Variants in PPIP5K1 observed in about 807,000 individuals in gnomAD.
PPIP5K1 encodes the protein diphosphoinositol pentakisphosphate kinase 1.
Under a neutral mutation model 27.7 loss-of-function variants are expected in PPIP5K1, and 6 were observed. The ratio of observed to expected loss-of-function variants is 0.22; its 90% CI spans 0.12 to 0.43. PPIP5K1 has a LOEUF of 0.43. Among genes scored for constraint, PPIP5K1 ranks in the 20% least tolerant of loss-of-function variants. The pLI, the probability that PPIP5K1 is intolerant of heterozygous loss-of-function variation, is 1.00. For missense variants in PPIP5K1, 394 were observed against 635.4 expected, an observed-to-expected ratio of 0.62 and a Z score of 4.08; for synonymous variants, 145 against 242.6, an observed-to-expected ratio of 0.60 and a Z score of 3.74.
intron 30 of PPIP5K1, among the ~76,000 whole-genome samples, chr15:43,547,218 A>C (rs562451163): frequency 2.0e-5 from 3 of 152,304 alleles, no homozygotes; most frequent in African/African-American, 7.2e-5. Context: ...TGTCAATTCA[A>C]GTCCTTTGCT....
At position 43,542,667 on chromosome 15, in the gene PPIP5K1, TGTG is replaced by T. The variant is rs1567020616; in HGVS notation, c.3557-3087_3557-3085del. 4.6e-3 allele frequency among the ~76,000 whole-genome samples: 696 copies of T among 150,106 alleles called. 8 individuals are homozygous for T. The highest frequency in any genetic ancestry group is 0.015 in the African/African-American group (608 of 40,848). On this transcript the variant is annotated intron_variant, in intron 30 of 31. Coordinates refer to ENST00000420765, the MANE Select transcript of PPIP5K1 (RefSeq NM_001394395.1). ...TATTCAGTGTGTGTGTGTGTGTGTG[TGTG>T]TGTGTGTGTGTGTGTGTGTGTGTGT...
At position 43,535,422 on chromosome 15, in the gene PPIP5K1, G is replaced by A. The variant is rs1338400838; in HGVS notation, c.3725C>T (p.Thr1242Ile). Residue 1242 changes from threonine to isoleucine, a missense_variant, in exon 32 of 32, where the codon ACA (threonine) becomes ATA (isoleucine). Thr to Ile is a moderately conservative substitution (Grantham distance 89). Coordinates refer to ENST00000420765, the MANE Select transcript of PPIP5K1 (RefSeq NM_001394395.1). ...GCCAAATTGGGAGTTACCATCTACT[G>A]TAGTAGGGGAAGAAGGACCAGCACT... ...VSSAGPSSPT[T>I]VDGNSQFGFS... 2 of 1,612,398 alleles carry A rather than the reference G, an allele frequency of 1.2e-6. No individual in the cohort carries two copies. Among genetic ancestry groups the A allele is most frequent in the Non-Finnish European group, 1.7e-6 (2 of 1,179,128 alleles).
intron 10 of PPIP5K1, among the ~76,000 whole-genome samples, chr15:43,579,647 A>T (rs1485722632): frequency 1.6e-5 from 1 of 60,620 alleles, no homozygotes; most frequent in Non-Finnish European, 2.5e-5. Context: ...ATATATATAT[A>T]TATATATTTT....
At chr15:43,550,707 A>T (rs1469454326) in intron 30 of PPIP5K1, among the ~76,000 whole-genome samples, 2 of 152,156 alleles carry the variant, frequency 1.3e-5, no homozygotes, top group Non-Finnish European at 2.9e-5. Flanking sequence ...GAAAGCCTTC[A>T]GTGTTACACT....
At chr15:43,542,029 C>T (rs987600085) in intron 30 of PPIP5K1, among the ~76,000 whole-genome samples, 10 of 152,152 alleles carry the variant, frequency 6.6e-5, no homozygotes, top group African/African-American at 2.4e-4. Context: ...GTTAAGGTGG[C>T]ACCAACAAGA....
In PPIP5K1 at chr15:43,579,565, G is replaced by A. The variant is rs1390676323; in HGVS notation, c.1062-445C>T. ...TGTATGTGTATATATACATATATAC[G>A]TACATATATACACATATATACATAT... On this transcript the variant is annotated intron_variant, in intron 10 of 31. Transcript: ENST00000420765. Among the ~76,000 whole-genome samples, 5 of 60,534 alleles carry A rather than the reference G, an allele frequency of 8.3e-5. 1 individual carries two copies. In the East Asian group the frequency reaches 2.6e-3, roughly 32 times the overall value. The allele number at this position is 60,534 out of a possible 152,430, so 39.7% of individuals were successfully genotyped here. A position where few individuals can be genotyped will look rare whatever the true frequency, so the allele number is the denominator to read the frequency against.
At position 43,541,564 on chromosome 15, in the gene PPIP5K1, A is replaced by G. The variant is rs141510375; in HGVS notation, c.3557-1981T>C. 3.6e-3 allele frequency among the ~76,000 whole-genome samples: 544 copies of G among 152,196 alleles called. 3 individuals are homozygous for G. Among genetic ancestry groups the G allele is most frequent in the African/African-American group, 0.012 (513 of 41,562 alleles). On this transcript the variant is annotated intron_variant, in intron 30 of 31. Transcript: ENST00000420765. ...AAATTCCATTTCTACAAAAAATACA[A>G]AAACTAGCCAGGCGTGGTGGTGGGC...
intron 31 of PPIP5K1, among the ~76,000 whole-genome samples, chr15:43,536,539 T>A (rs1008678743): frequency 1.3e-5 from 2 of 152,088 alleles, no homozygotes; most frequent in African/African-American, 2.4e-5. Flanking sequence ...AAGTCAGATA[T>A]CTTCCAGGAA....
At chr15:43,543,887 T>C (rs141810760) in intron 30 of PPIP5K1, among the ~76,000 whole-genome samples, 1 of 151,808 alleles carries the variant, frequency 6.6e-6, no homozygotes, top group South Asian at 2.1e-4. Flanking sequence ...ATTAAACTAC[T>C]GAATAAGGAT....
chr15:43,565,690 C>T (rs1398547925), intron 26 of PPIP5K1, among the ~76,000 whole-genome samples: 1 of 57,134 alleles, frequency 1.8e-5, no homozygotes, highest in Non-Finnish European at 2.9e-5. Flanking sequence ...GCTGGGATTG[C>T]AAGTACACAC....
chr15:43,555,425 G>T (rs1046407329), intron 30 of PPIP5K1, among the ~76,000 whole-genome samples: 5 of 151,822 alleles, frequency 3.3e-5, no homozygotes, highest in Admixed American at 1.3e-4. Flanking sequence ...CCAGGTACAT[G>T]CCACCATACC....
At chr15:43,553,498 A>T (rs1369143909) in intron 30 of PPIP5K1, among the ~76,000 whole-genome samples, 1 of 152,112 alleles carries the variant, frequency 6.6e-6, no homozygotes, top group Non-Finnish European at 1.5e-5. Flanking sequence ...ATGTGCCACC[A>T]TGCCCAATTA....
chr15:43,553,163 A>C (rs1441180462), intron 30 of PPIP5K1, among the ~76,000 whole-genome samples: 1 of 152,230 alleles, frequency 6.6e-6, no homozygotes, highest in African/African-American at 2.4e-5. Flanking sequence ...TATGACTTCA[A>C]CTTTTTAAAA....
chr15:43,556,178 T>C (rs560493372), intron 30 of PPIP5K1, among the ~76,000 whole-genome samples: 302 of 151,674 alleles, frequency 2.0e-3, no homozygotes, highest in Admixed American at 4.9e-3. Context: ...AAATTAGCTG[T>C]GCGTGGTGGT....
At chr15:43,551,147 C>T (rs1042689877) in intron 30 of PPIP5K1, among the ~76,000 whole-genome samples, 1 of 152,100 alleles carries the variant, frequency 6.6e-6, no homozygotes, top group Admixed American at 6.5e-5. Context: ...GACTGAGTTA[C>T]TTCTTTAAAT....
intron 10 of PPIP5K1, among the ~76,000 whole-genome samples, 183 bp downstream of exon 10, chr15:43,580,819 C>T (rs897803979): frequency 2.5e-5 from 2 of 79,432 alleles, no homozygotes; most frequent in Admixed American, 2.7e-4. Context: ...GTCTCTAACT[C>T]CTGACCTCAG....
intron 1 of PPIP5K1, among the ~76,000 whole-genome samples, chr15:43,586,717 T>TAAC (rs1343483396): frequency 7.1e-5 from 7 of 98,638 alleles, no homozygotes; most frequent in Non-Finnish European, 1.5e-4. Context: ...ATAATAATAA[T>TAAC]AATAATAATA....
intron 30 of PPIP5K1, among the ~76,000 whole-genome samples, chr15:43,544,530 T>C (rs2081137075): frequency 6.6e-6 from 1 of 152,244 alleles, no homozygotes; most frequent in Admixed American, 6.5e-5. Flanking sequence ...AGCAGTGGCT[T>C]ACATCCATAA....
chr15:43,535,328 C>G lies in PPIP5K1; in HGVS notation c.3819G>C (p.Glu1273Asp). 6.2e-7 allele frequency: 1 copy of G among 1,614,180 alleles called. No individual in the cohort carries two copies. Residue 1273 changes from glutamate to aspartate, a missense_variant, in exon 32 of 32, where the codon GAG (glutamate) becomes GAC (aspartate). Transcript: ENST00000420765. ...EEHQGLGLLQ[E>D]TPGSGAQELS... Reference sequence around the variant, plus strand: ...GCTCTTGTGCTCCACTCCCAGGGGTCTCCTGGAGCAGCCCAAGGCCTTGAT... The same window carrying G: ...GCTCTTGTGCTCCACTCCCAGGGGTGTCCTGGAGCAGCCCAAGGCCTTGAT...
Sources: allele counts gnomAD v4.1 joint callset (sites outside exome capture counted in the v4.1 genomes callset), GRCh38; gene constraint gnomAD v4.1.1; transcripts MANE v1.5; gene names NCBI Gene and HGNC (gene_info 2026-07-23, HGNC 2026-07-21).